MNAT1: variants seen among roughly 807,000 people sequenced by gnomAD.
MNAT1 encodes the protein MNAT1 component of CDK activating kinase, also known as CDK-activating kinase assembly factor MAT1.
A neutral mutation model predicts 42.0 loss-of-function variants in MNAT1; 43 were observed. The observed-to-expected ratio is 1.02, with a 90% CI of 0.80 to 1.32. The LOEUF (loss-of-function observed/expected upper bound fraction) is 1.32. MNAT1 is among the 40% of genes most tolerant of loss of function. The pLI, the probability that MNAT1 is intolerant of heterozygous loss-of-function variation, is 0.00. For missense variants in MNAT1, 306 were observed against 350.4 expected (o/e 0.87, Z 1.01); for synonymous variants, 118 against 120.0 (o/e 0.98, Z 0.11).
chr14:60,849,115 TAAA>T (rs1040611982), intron 6 of MNAT1, among the ~76,000 whole-genome samples: 1 of 152,232 alleles, frequency 6.6e-6, no homozygotes, highest in South Asian at 2.1e-4. Context: ...AGAAATTTCT[TAAA>T]CAGTGTTTGT....
chr14:60,809,988 T>C (rs1344370839), intron 4 of MNAT1, among the ~76,000 whole-genome samples: 1 of 152,080 alleles, frequency 6.6e-6, no homozygotes, highest in Non-Finnish European at 1.5e-5. Flanking sequence ...TTTTCTCTGT[T>C]AGGAGGTGTG....
At chr14:60,870,252 A>G (rs2034299507) in intron 6 of MNAT1, among the ~76,000 whole-genome samples, 1 of 152,170 alleles carries the variant, frequency 6.6e-6, no homozygotes, top group South Asian at 2.1e-4. Context: ...GAAAAGAAAC[A>G]GGTTCCATTT....
At chr14:60,768,544 G>A (rs1463047896) in intron 1 of MNAT1, among the ~76,000 whole-genome samples, 2 of 152,144 alleles carry the variant, frequency 1.3e-5, no homozygotes, top group Non-Finnish European at 2.9e-5. Context: ...AAATGGAGGT[G>A]GAGAAGAGGG....
intron 6 of MNAT1, among the ~76,000 whole-genome samples, chr14:60,836,720 G>A (rs1300493533): frequency 1.3e-5 from 2 of 152,316 alleles, no homozygotes; most frequent in East Asian, 3.9e-4. Context: ...CGGAGGTCAG[G>A]GACCCACTTG....
At chr14:60,903,307 A>G (rs955078003) in intron 7 of MNAT1, among the ~76,000 whole-genome samples, 2 of 152,088 alleles carry the variant, frequency 1.3e-5, no homozygotes, top group African/African-American at 4.8e-5. Flanking sequence ...TTTCAATAGC[A>G]AGTACTTCCT....
At chr14:60,814,851 A>G (rs1297665786) in intron 5 of MNAT1, among the ~76,000 whole-genome samples, 1 of 152,184 alleles carries the variant, frequency 6.6e-6, no homozygotes, top group Non-Finnish European at 1.5e-5. Flanking sequence ...TCTTGAAACT[A>G]TTAAGTGGCA....
chr14:60,967,787 T>G (rs993039770), intron 7 of MNAT1, among the ~76,000 whole-genome samples: 11 of 152,218 alleles, frequency 7.2e-5, no homozygotes, highest in African/African-American at 2.7e-4. Flanking sequence ...CCTCTTCCAT[T>G]TGTTTAGCTA....
At chr14:60,879,930 A>G (rs2034515668) in intron 7 of MNAT1, 95 bp downstream of exon 7, 3 of 1,377,322 alleles carry the variant, frequency 2.2e-6, no homozygotes, top group South Asian at 1.5e-5. Flanking sequence ...TTTTCAGTTT[A>G]TAGAACTTTA....
intron 6 of MNAT1, among the ~76,000 whole-genome samples, chr14:60,869,196 ATTT>A (rs533524400): frequency 7.3e-6 from 1 of 136,420 alleles, no homozygotes; most frequent in African/African-American, 2.7e-5. Context: ...TGCCCAGCTA[ATTT>A]TTTTTTTTTT....
chr14:60,915,120 C>T (rs1215675238), intron 7 of MNAT1, among the ~76,000 whole-genome samples: 1 of 152,128 alleles, frequency 6.6e-6, no homozygotes, highest in Admixed American at 6.5e-5. Context: ...CTGCTTGTCT[C>T]AGTGTAACTT....
rs531540453 is a variant in MNAT1, at chr14:60,939,693, A to T, written c.810-28536A>T. Among the ~76,000 whole-genome samples the T allele has an allele frequency of 3.3e-5, 5 of 152,288 alleles. No individual in the cohort carries two copies. In the East Asian group the frequency reaches 9.6e-4, roughly 29 times the overall value. Reference sequence around the variant, plus strand: ...GGAATAGGTGTGGTGTGGTGCTGAAAAGAATGTATATTCTGTTGATTTGGG... The same window carrying T: ...GGAATAGGTGTGGTGTGGTGCTGAATAGAATGTATATTCTGTTGATTTGGG... On this transcript the variant is annotated intron_variant, in intron 7 of 7. Transcript: ENST00000261245.
intron 3 of MNAT1, among the ~76,000 whole-genome samples, chr14:60,806,841 G>C (rs534140068): frequency 6.6e-6 from 1 of 152,280 alleles, no homozygotes; most frequent in East Asian, 1.9e-4. Context: ...TGAGTGGTTG[G>C]TAAAGATAGT....
At chr14:60,950,193 T>G (rs2036354653) in intron 7 of MNAT1, among the ~76,000 whole-genome samples, 1 of 152,178 alleles carries the variant, frequency 6.6e-6, no homozygotes, top group Non-Finnish European at 1.5e-5. Flanking sequence ...AAAAAATATT[T>G]AGCTTTGAGT....
chr14:60,743,392 G>A (rs1223446877), intron 1 of MNAT1, among the ~76,000 whole-genome samples: 1 of 151,920 alleles, frequency 6.6e-6, no homozygotes, highest in Non-Finnish European at 1.5e-5. Context: ...AGGTTCAAGC[G>A]ATTCTCCTGC....
intron 7 of MNAT1, among the ~76,000 whole-genome samples, chr14:60,917,542 A>G (rs2035548184): frequency 6.6e-6 from 1 of 152,110 alleles, no homozygotes; most frequent in South Asian, 2.1e-4. Context: ...ACACATGAAC[A>G]TGGGACATAT....
At chr14:60,885,684 A>G (rs190454971) in intron 7 of MNAT1, among the ~76,000 whole-genome samples, 5 of 152,124 alleles carry the variant, frequency 3.3e-5, no homozygotes, top group Non-Finnish European at 7.4e-5. Flanking sequence ...TATAGTTTGT[A>G]TAGTTTGCAA....
chr14:60,967,004 A>G (rs1489574062), intron 7 of MNAT1, among the ~76,000 whole-genome samples: 1 of 152,116 alleles, frequency 6.6e-6, no homozygotes, highest in Non-Finnish European at 1.5e-5. Context: ...TTTTTGTTCA[A>G]TAAATATTCT....
chr14:60,743,021 A>G (rs1202373313), intron 1 of MNAT1, among the ~76,000 whole-genome samples: 1 of 152,210 alleles, frequency 6.6e-6, no homozygotes, highest in Non-Finnish European at 1.5e-5. Context: ...TAGGAGTAGA[A>G]TTATTGGATC....
chr14:60,761,591 G>A (rs1199452163), intron 1 of MNAT1, among the ~76,000 whole-genome samples: 1 of 152,096 alleles, frequency 6.6e-6, no homozygotes, highest in African/African-American at 2.4e-5. Context: ...ATTAAATTTA[G>A]ATATTTTCAA....
Sources: gnomAD v4.1 joint callset for allele counts (sites outside exome capture counted in the v4.1 genomes callset) on GRCh38, gnomAD v4.1.1 for gene constraint, MANE v1.5 for transcripts, NCBI Gene and HGNC (gene_info 2026-07-23, HGNC 2026-07-21) for gene names.